The following AGO4 variants were observed in gnomAD, a reference collection of about 807,000 sequenced individuals.
The protein encoded by AGO4 is argonaute RISC component 4, also known as protein argonaute-4.
Under a neutral mutation model 104.7 loss-of-function variants are expected in AGO4, and 33 were observed. The observed-to-expected ratio is 0.32, with a 90% CI of 0.24 to 0.42. AGO4 has a LOEUF of 0.42. Among genes scored for constraint, AGO4 ranks in the 10% least tolerant of loss-of-function variants. The probability of loss-of-function intolerance (pLI) is 1.00; values close to 1 mark genes in which losing one functional copy is unlikely to be tolerated. For synonymous variants in AGO4, 331 were observed against 364.7 expected, an observed-to-expected ratio of 0.91 and a Z score of 1.05; for missense variants, 711 against 1,083.4, an observed-to-expected ratio of 0.66 and a Z score of 4.83.
intron 17 of AGO4, among the ~76,000 whole-genome samples, chr1:35,851,439 T>G (rs1178819162): frequency 6.6e-6 from 1 of 152,190 alleles, no homozygotes; most frequent in Non-Finnish European, 1.5e-5. Flanking sequence ...CAGTTCACTT[T>G]GCTTTTGGTA....
chr1:35,810,121 A>G (rs1643452495), intron 1 of AGO4, among the ~76,000 whole-genome samples: 1 of 152,196 alleles, frequency 6.6e-6, no homozygotes, highest in African/African-American at 2.4e-5. Flanking sequence ...AATTCTCACT[A>G]ACCACATTTA....
At chr1:35,814,093 GAA>G (rs773092205) in intron 1 of AGO4, among the ~76,000 whole-genome samples, 39 of 148,234 alleles carry the variant, frequency 2.6e-4, no homozygotes, top group Admixed American at 7.4e-4. Context: ...AAAAGAGAGA[GAA>G]AGAGAAAGAA....
At chr1:35,831,355 A>G in intron 7 of AGO4, 72 bp from the exon 8 acceptor site, 1 of 1,514,980 alleles carries the variant, frequency 6.6e-7, no homozygotes. Flanking sequence ...TGTCTCAAAA[A>G]AAAAGAAAAA....
intron 2 of AGO4, among the ~76,000 whole-genome samples, chr1:35,819,486 T>C (rs1643837129): frequency 6.6e-6 from 1 of 151,422 alleles, no homozygotes; most frequent in Non-Finnish European, 1.5e-5. Context: ...TGTGAGCACT[T>C]TGGGAGGCCG....
At position 35,855,624 on chromosome 1, in the gene AGO4, T is replaced by C. The variant is rs1382573620; in HGVS notation, c.*2019T>C. On this transcript the variant is annotated 3_prime_UTR_variant, in exon 18 of 18. Transcript: ENST00000373210. The stretch of plus-strand genomic sequence containing the variant: ...CACAACATAGCCAGGAGTGAAGAGA[T>C]GGCAGATGTTAATTTCTTAAAATTT... 6.6e-6 allele frequency: 1 copy of C among 151,288 alleles called. No homozygotes were observed. The highest frequency in any genetic ancestry group is 6.6e-5 in the Admixed American group (1 of 15,092). 9.4% of individuals were successfully genotyped at this position (151,288 alleles called of 1,614,324 possible).
rs1447350778 is a variant in AGO4 at position 35,808,161 on chromosome 1, C to G, written c.-256C>G. ...GGGCGCGCGCGCTGGCTCCCGCTCC[C>G]GCTCCCGTTGGCGGCGGCGGCGGCG... On this transcript the variant is annotated 5_prime_UTR_variant, in exon 1 of 18. Coordinates refer to ENST00000373210, the MANE Select transcript of AGO4 (RefSeq NM_017629.4). The surrounding 1 kb of genome is among the most constrained non-coding windows in gnomAD (Gnocchi z 5.2). 1.9e-5 allele frequency: 3 copies of G among 159,608 alleles called. No individual in the cohort carries two copies. The highest frequency in any genetic ancestry group is 3.9e-5 in the Non-Finnish European group (3 of 76,706). 9.9% of individuals were successfully genotyped at this position (159,608 alleles called of 1,614,324 possible).
rs1241486115 is a variant in AGO4, at chr1:35,825,748, G to A, written c.558G>A (p.Arg186=). The A allele has an allele frequency of 3.8e-6, 6 of 1,598,582 alleles. No individual in the cohort carries two copies. Among genetic ancestry groups the A allele is most frequent in the Middle Eastern group, 1.7e-4 (1 of 5,966 alleles). Residue 186 remains arginine, a synonymous_variant, in exon 5 of 18, where the codon AGG becomes AGA. Coordinates refer to ENST00000373210, the MANE Select transcript of AGO4 (RefSeq NM_017629.4). Reference sequence around the variant, plus strand: ...ACTACCACCCTCTGGGAGGGGGCAGGGAGGTCTGGTTTGGTTTTCATCAGT... The same window carrying A: ...ACTACCACCCTCTGGGAGGGGGCAGAGAGGTCTGGTTTGGTTTTCATCAGT... ...EGYYHPLGGG[R]EVWFGFHQSV...
At chr1:35,826,342 A>G (rs920268272) in intron 6 of AGO4, among the ~76,000 whole-genome samples, 2 of 152,232 alleles carry the variant, frequency 1.3e-5, no homozygotes, top group Non-Finnish European at 2.9e-5. Flanking sequence ...AGTAAATGCT[A>G]TGCTTACCCA....
chr1:35,834,856 C>T (rs879843312), intron 12 of AGO4, among the ~76,000 whole-genome samples: 1 of 152,016 alleles, frequency 6.6e-6, no homozygotes, highest in African/African-American at 2.4e-5. Flanking sequence ...CAACCACGCC[C>T]AGCTAATTTT....
chr1:35,821,585 A>G (rs376433454), intron 2 of AGO4, among the ~76,000 whole-genome samples: 37 of 152,362 alleles, frequency 2.4e-4, no homozygotes, highest in African/African-American at 8.7e-4. Context: ...ATGCAAGAAC[A>G]CTTAAGTAAA....
rs77259098 is a variant in AGO4, at chr1:35,834,366, C to T, written c.1564+192C>T. Among the ~76,000 whole-genome samples the T allele has an allele frequency of 4.4e-3, 663 of 152,348 alleles. 6 individuals carry two copies. Among genetic ancestry groups the T allele is most frequent in the African/African-American group, 0.014 (598 of 41,570 alleles). ...CTTCTGCTCTGTGTCATCATGTCAT[C>T]TCCATTTGGGGACCCAGCTTGGCAG... On this transcript the variant is annotated intron_variant, in intron 12 of 17. Coordinates refer to ENST00000373210, the MANE Select transcript of AGO4 (RefSeq NM_017629.4).
At chr1:35,824,809 C>T (rs77094862) in intron 3 of AGO4, among the ~76,000 whole-genome samples, 1 of 152,030 alleles carries the variant, frequency 6.6e-6, no homozygotes, top group African/African-American at 2.4e-5. Flanking sequence ...TCAAAAAAAA[C>T]TTATGATGTT....
intron 7 of AGO4, 105 bp downstream of exon 7, chr1:35,826,940 A>T: frequency 1.7e-6 from 2 of 1,165,470 alleles, no homozygotes; most frequent in East Asian, 5.2e-5. Context: ...AGTGGCTCAC[A>T]CCTGTAATCC....
chr1:35,849,512 G>T (rs1304360424), intron 15 of AGO4, among the ~76,000 whole-genome samples: 2 of 134,332 alleles, frequency 1.5e-5, no homozygotes, highest in South Asian at 4.7e-4. Flanking sequence ...ATTAGACCCC[G>T]TGTCTCAAAA....
rs1366073415 is a variant in AGO4 at position 35,831,526 on chromosome 1, C to T, written c.948C>T (p.Pro316=). 1.9e-6 allele frequency: 3 copies of T among 1,614,078 alleles called. No homozygotes were observed. The highest frequency in any genetic ancestry group is 2.5e-6 in the Non-Finnish European group (3 of 1,179,998). Residue 316 remains proline, a synonymous_variant, in exon 8 of 18, where the codon CCC becomes CCT. Coordinates refer to ENST00000373210, the MANE Select transcript of AGO4 (RefSeq NM_017629.4). ...YSLQLKYPHL[P]CLQVGQEQKH... is the part of the protein sequence containing the mutation. ...TGCAACTGAAATACCCCCATCTTCC[C>T]TGTCTCCAAGTGGGACAAGAACAAA...
chr1:35,818,654 A>AAGGAAGGAAGG (rs1557552190), intron 2 of AGO4, among the ~76,000 whole-genome samples: 30 of 95,128 alleles, frequency 3.2e-4, no homozygotes, highest in East Asian at 2.8e-3. Flanking sequence ...AGAAAGAAAG[A>AAGGAAGGAAGG]AAGAAAGGAA....
chr1:35,824,225 C>A (rs1490722732), intron 3 of AGO4, among the ~76,000 whole-genome samples: 1 of 151,936 alleles, frequency 6.6e-6, no homozygotes, highest in Non-Finnish European at 1.5e-5. Context: ...TGATTTACCG[C>A]CTCCACCACT....
At position 35,809,935 on chromosome 1, in the gene AGO4, ATC is replaced by A. The variant is rs577968765; in HGVS notation, c.19+1502_19+1503del. ...AATTGAAACAACTGTTGCATTTATG[ATC>A]TGATATCGAAAGAAATTGTGTAACT... is the stretch of plus-strand genomic sequence containing the variant. On this transcript the variant is annotated intron_variant, in intron 1 of 17. Coordinates refer to ENST00000373210, the MANE Select transcript of AGO4 (RefSeq NM_017629.4). Among the ~76,000 whole-genome samples, 20 of 152,304 alleles carry A rather than the reference ATC, an allele frequency of 1.3e-4. No individual in the cohort carries two copies. The South Asian group carries it at 4.1e-3, about 32-fold the overall frequency.
At chr1:35,833,884 T>A (rs1048706033) in intron 11 of AGO4, 106 bp from the exon 12 acceptor site, 5 of 1,027,534 alleles carry the variant, frequency 4.9e-6, no homozygotes, top group Non-Finnish European at 5.2e-6. Flanking sequence ...TGTTTCTAAA[T>A]TTGGCTAAGA....
Sources: allele counts gnomAD v4.1 joint callset (sites outside exome capture counted in the v4.1 genomes callset), GRCh38; gene constraint gnomAD v4.1.1; non-coding constraint Gnocchi (gnomAD v3.1); transcripts MANE v1.5; gene names NCBI Gene and HGNC (gene_info 2026-07-23, HGNC 2026-07-21).